SRGAP1: variants seen among roughly 807,000 people sequenced by gnomAD.
SRGAP1 encodes SLIT-ROBO Rho GTPase activating protein 1, also known as SLIT-ROBO Rho GTPase-activating protein 1.
In SRGAP1, 43 loss-of-function variants were observed where a neutral mutation model predicts 121.9. The observed-to-expected ratio is 0.35, with a 90% CI of 0.28 to 0.46. The LOEUF is 0.46. SRGAP1 is among the 20% of genes least tolerant of loss of function. The pLI is 1.00. For missense variants in SRGAP1, 1,102 were observed against 1,350.9 expected, an observed-to-expected ratio of 0.82 and a Z score of 2.89; for synonymous variants, 447 against 485.4, an observed-to-expected ratio of 0.92 and a Z score of 1.04.
chr12:64,101,308 G>GGTGTGTGTGTGTGTGTGT (rs59020353), intron 15 of SRGAP1, among the ~76,000 whole-genome samples: 16 of 138,010 alleles, frequency 1.2e-4, no homozygotes, highest in Non-Finnish European at 1.9e-4. Flanking sequence ...TGGGGAAAGG[G>GGTGTGTGTGTGTGTGTGT]GTGTGTGTGT....
chr12:63,914,477 A>G (rs1291630125), intron 1 of SRGAP1, among the ~76,000 whole-genome samples: 1 of 152,238 alleles, frequency 6.6e-6, no homozygotes, highest in Non-Finnish European at 1.5e-5. Context: ...TATATCTACT[A>G]CTACAATTTA....
intron 1 of SRGAP1, among the ~76,000 whole-genome samples, chr12:63,863,492 G>A (rs1382884943): frequency 6.6e-6 from 1 of 151,974 alleles, no homozygotes; most frequent in Non-Finnish European, 1.5e-5. Flanking sequence ...GGCTGGTCTC[G>A]AACTCCTGGC....
rs1340116379 is a variant in SRGAP1, at chr12:63,990,081, CATAA to C, written c.426+12_426+15del. ...CCAGGATGTTTAAAAAGGTACACTC[CATAA>C]ATCCTGCCATAGTGTGCTTTCCAAT... On this transcript the variant is annotated intron_variant, in intron 3 of 21. Transcript: ENST00000355086. The C allele has an allele frequency of 6.3e-7, 1 of 1,590,344 alleles. No individual in the cohort carries two copies. Among genetic ancestry groups the C allele is most frequent in the East Asian group, 2.2e-5 (1 of 44,634 alleles).
intron 1 of SRGAP1, among the ~76,000 whole-genome samples, chr12:63,857,174 G>C (rs1899282201): frequency 6.8e-6 from 1 of 146,874 alleles, no homozygotes; most frequent in Non-Finnish European, 1.5e-5. Flanking sequence ...CCGCCTCCTG[G>C]GTTCAAGCGA....
intron 4 of SRGAP1, among the ~76,000 whole-genome samples, chr12:64,021,320 A>G (rs944626791): frequency 6.6e-6 from 1 of 152,216 alleles, no homozygotes. Context: ...GATTCTGTTC[A>G]TTTGAAAGAG....
At chr12:63,853,195 A>G (rs933632712) in intron 1 of SRGAP1, among the ~76,000 whole-genome samples, 12 of 151,702 alleles carry the variant, frequency 7.9e-5, no homozygotes, top group African/African-American at 2.9e-4. Context: ...AATTTTTTGT[A>G]TTTTTAGGAG....
intron 1 of SRGAP1, among the ~76,000 whole-genome samples, chr12:63,928,358 G>A (rs2031340547): frequency 6.6e-6 from 1 of 152,074 alleles, no homozygotes; most frequent in Non-Finnish European, 1.5e-5. Context: ...ATATATCCTC[G>A]AAAAGACTTG....
intron 1 of SRGAP1, among the ~76,000 whole-genome samples, chr12:63,870,278 A>G (rs1205796056): frequency 6.6e-6 from 1 of 152,216 alleles, no homozygotes; most frequent in Non-Finnish European, 1.5e-5. Flanking sequence ...CTGCCTCTTT[A>G]TATGCATTAG....
chr12:64,073,257 T>A (rs2035675015), intron 8 of SRGAP1, among the ~76,000 whole-genome samples: 1 of 152,162 alleles, frequency 6.6e-6, no homozygotes, highest in Non-Finnish European at 1.5e-5. Flanking sequence ...ATGACACCAT[T>A]GCTTCTGAGA....
chr12:63,894,308 G>A lies in SRGAP1; in HGVS notation c.67+49425G>A, dbSNP rs113154351. ...TCAGAGTAGTTAAAATTGTGAAATA[G>A]GTAACATTTGTGCTGCTGCTTCTCA... On this transcript the variant is annotated intron_variant, in intron 1 of 21. Coordinates refer to ENST00000355086, the MANE Select transcript of SRGAP1 (RefSeq NM_020762.4). 9.9e-3 allele frequency among the ~76,000 whole-genome samples: 1,501 copies of A among 151,934 alleles called. 32 individuals are homozygous for A. The highest frequency in any genetic ancestry group is 0.034 in the African/African-American group (1,412 of 41,402).
chr12:64,062,879 C>T (rs200168586), intron 6 of SRGAP1, 38 bp from the exon 7 acceptor site: 4 of 1,525,900 alleles, frequency 2.6e-6, no homozygotes, highest in Non-Finnish European at 3.6e-6. Flanking sequence ...ATCAATTTTG[C>T]ATTCATTTTT....
chr12:64,111,898 A>G lies in SRGAP1; in HGVS notation c.2056A>G (p.Ile686Val), dbSNP rs368326212. 2.7e-5 allele frequency: 44 copies of G among 1,613,926 alleles called. No homozygotes were observed. The highest frequency in any genetic ancestry group is 3.4e-5 in the Non-Finnish European group (40 of 1,179,992). Residue 686 changes from isoleucine to valine, a missense_variant, in exon 17 of 22, where the codon ATC (isoleucine) becomes GTC (valine). Coordinates refer to ENST00000355086, the MANE Select transcript of SRGAP1 (RefSeq NM_020762.4). ...QAHVNEIIKT[I>V]IIHHETIFPD... ...ACATGTGAATGAAATTATCAAAACC[A>G]TCATCATCCACCATGAGACTATTTT...
intron 3 of SRGAP1, among the ~76,000 whole-genome samples, chr12:64,009,184 A>C (rs1015143296): frequency 1.3e-5 from 2 of 152,174 alleles, no homozygotes; most frequent in Non-Finnish European, 2.9e-5. Flanking sequence ...GTTTGGAACT[A>C]CTTTTTGATA....
Position 64,138,481 on chromosome 12 carries a change from C to G in SRGAP1, c.2881-3814C>G, listed in dbSNP as rs947266246. Among the ~76,000 whole-genome samples the G allele has an allele frequency of 5.5e-5, 6 of 109,596 alleles. No homozygotes were observed. In the Admixed American group the frequency reaches 6.9e-4, roughly 13 times the overall value. 71.9% of individuals were successfully genotyped at this position (109,596 alleles called of 152,430 possible). A position where few individuals can be genotyped will look rare whatever the true frequency, so the allele number is the denominator to read the frequency against. On this transcript the variant is annotated intron_variant, in intron 21 of 21. Coordinates refer to ENST00000355086, the MANE Select transcript of SRGAP1 (RefSeq NM_020762.4). ...TTTTTTTTTTTTTTGGAGATGGAGT[C>G]TCACTCTGTCACCCAGGCTGGAGTG...
intron 1 of SRGAP1, among the ~76,000 whole-genome samples, chr12:63,913,509 A>ATATATATATACATATATGTGTGTAT (rs1555238842): frequency 6.9e-6 from 1 of 144,982 alleles, no homozygotes; most frequent in East Asian, 2.0e-4. Context: ...ATATATGTGT[A>ATATATATATACATATATGTGTGTAT]TATATATATA....
intron 6 of SRGAP1, among the ~76,000 whole-genome samples, chr12:64,050,450 A>G (rs1261824063): frequency 4.2e-4 from 2 of 4,766 alleles, no homozygotes; most frequent in Admixed American, 2.7e-3. Context: ...GACTTTCTCT[A>G]TGTCCCTATA....
chr12:63,999,258 TAAG>T (rs1396639157), intron 3 of SRGAP1, among the ~76,000 whole-genome samples: 1 of 152,024 alleles, frequency 6.6e-6, no homozygotes, highest in Admixed American at 6.6e-5. Flanking sequence ...ATTGGAGAAA[TAAG>T]GAGTTGAAAT....
chr12:63,920,860 T>C (rs2031012488), intron 1 of SRGAP1, among the ~76,000 whole-genome samples: 1 of 152,132 alleles, frequency 6.6e-6, no homozygotes, highest in South Asian at 2.1e-4. Context: ...GGAAAGACCT[T>C]GAAAAGAAGA....
In SRGAP1 at chr12:64,145,954, C is replaced by G. The variant is rs1332727362; in HGVS notation, c.*3282C>G. On this transcript the variant is annotated 3_prime_UTR_variant, in exon 22 of 22. Transcript: ENST00000355086. Reference sequence around the variant, plus strand: ...CAAAGATTACCTGACTCCACTGACACAAGAATATGTATTCTCAGCTGATAT... The same window carrying G: ...CAAAGATTACCTGACTCCACTGACAGAAGAATATGTATTCTCAGCTGATAT... 1 of 152,172 alleles carries G rather than the reference C, an allele frequency of 6.6e-6. No homozygotes were observed. Among genetic ancestry groups the G allele is most frequent in the African/African-American group, 2.4e-5 (1 of 41,442 alleles). The allele number at this position is 152,172 out of a possible 1,614,324, so 9.4% of individuals were successfully genotyped here.
Sources: allele counts gnomAD v4.1 joint callset (sites outside exome capture counted in the v4.1 genomes callset), GRCh38; gene constraint gnomAD v4.1.1; transcripts MANE v1.5; gene names NCBI Gene and HGNC (gene_info 2026-07-23, HGNC 2026-07-21).